Variants in DPF1 observed in about 807,000 individuals in gnomAD.
DPF1 encodes double PHD fingers 1, also known as zinc finger protein neuro-d4.
DPF1 carries 14 observed loss-of-function variants against 58.7 expected under a neutral mutation model. The observed-to-expected ratio is 0.24, with a 90% CI of 0.16 to 0.37. DPF1 has a LOEUF of 0.37. Ranked by LOEUF, DPF1 falls within the 10% of genes least tolerant of loss-of-function variation. DPF1 has a pLI of 1.00. For missense variants in DPF1, 345 were observed against 529.9 expected, an observed-to-expected ratio of 0.65 and a Z score of 3.43; for synonymous variants, 216 against 216.0, an observed-to-expected ratio of 1.00 and a Z score of 0.00.
chr19:38,224,067 G>T lies in DPF1; in HGVS notation c.29+47C>A. On this transcript the variant is annotated intron_variant, in intron 1 of 11. Coordinates refer to ENST00000355526, the MANE Select transcript of DPF1 (RefSeq NM_001135155.3). The surrounding 1 kb of genome is among the most constrained non-coding windows in gnomAD (Gnocchi z 4.5). ...GGTCGCCACACACACACAGGCCCGC[G>T]TAGACCCGCCCGCGCTTCCTCTCCG... The T allele has an allele frequency of 6.7e-7, 1 of 1,488,924 alleles. No individual in the cohort carries two copies. The allele number at this position is 1,488,924 out of a possible 1,614,324, so 92.2% of individuals were successfully genotyped here. A position where few individuals can be genotyped will look rare whatever the true frequency, so the allele number is the denominator to read the frequency against.
intron 4 of DPF1, 25 bp from the exon 5 acceptor site, chr19:38,218,687 G>A: frequency 6.2e-7 from 1 of 1,613,202 alleles, no homozygotes; most frequent in East Asian, 2.2e-5. Context: ...AAGGAGACGG[G>A]TCAAGAAAGT....
chr19:38,218,544 C>G, intron 5 of DPF1, 29 bp downstream of exon 5: 1 of 1,607,064 alleles, frequency 6.2e-7, no homozygotes, highest in Non-Finnish European at 8.5e-7. Flanking sequence ...TTGAGGGGAG[C>G]GGGGAAGAGG....
chr19:38,214,831 C>T (rs967171323), intron 9 of DPF1, among the ~76,000 whole-genome samples: 2 of 89,396 alleles, frequency 2.2e-5, no homozygotes, highest in Admixed American at 2.9e-4. Flanking sequence ...TATGCCCAGC[C>T]TTTTTTTTTT....
At chr19:38,220,390 G>A (rs1189560244) in intron 3 of DPF1, among the ~76,000 whole-genome samples, 1 of 152,088 alleles carries the variant, frequency 6.6e-6, no homozygotes, top group African/African-American at 2.4e-5. Flanking sequence ...GGGAGGCCGA[G>A]GCGGGCAGAT....
At chr19:38,213,507 G>A (rs2146117099) in intron 10 of DPF1, 137 bp downstream of exon 10, 1 of 720,078 alleles carries the variant, frequency 1.4e-6, no homozygotes. Flanking sequence ...TCGATTTATG[G>A]ACACCGGCAT....
rs1429485764 is a variant in DPF1, at chr19:38,215,999, C to T, written c.898+141G>A. 3.3e-5 allele frequency: 46 copies of T among 1,406,634 alleles called. No individual in the cohort carries two copies. In the East Asian group the frequency reaches 5.9e-4, roughly 18 times the overall value. 87.1% of individuals were successfully genotyped at this position (1,406,634 alleles called of 1,614,324 possible). A position where few individuals can be genotyped will look rare whatever the true frequency, so the allele number is the denominator to read the frequency against. On this transcript the variant is annotated intron_variant, in intron 9 of 11. Coordinates refer to ENST00000355526, the MANE Select transcript of DPF1 (RefSeq NM_001135155.3). ...CAATCCTCAGCAGTTGCATCAGCCT[C>T]GCTAGCTCTGGTTATCCACAGTATC... is the stretch of plus-strand genomic sequence containing the variant.
At chr19:38,215,515 AAAAC>A (rs1482784888) in intron 9 of DPF1, among the ~76,000 whole-genome samples, 2 of 151,824 alleles carry the variant, frequency 1.3e-5, no homozygotes, top group East Asian at 2.0e-4. Context: ...AAAACAAAAC[AAAAC>A]AAAAACCTTC....
intron 11 of DPF1, 43 bp downstream of exon 11, chr19:38,212,237 T>TGGGGGGGGGGGCCCCCCCCCCCCCC: frequency 8.0e-7 from 1 of 1,256,814 alleles, no homozygotes; most frequent in Non-Finnish European, 1.1e-6. Flanking sequence ...GGAGATGGCG[T>TGGGGGGGGGGGCCCCCCCCCCCCCC]TCCCACCCAC....
At chr19:38,216,599 T>G in intron 7 of DPF1, 196 bp from the exon 8 acceptor site, 1 of 558,270 alleles carries the variant, frequency 1.8e-6, no homozygotes, top group Non-Finnish European at 2.8e-6. Context: ...AATTTTTTTT[T>G]CAATTAAAAA....
intron 10 of DPF1, among the ~76,000 whole-genome samples, chr19:38,212,576 G>C (rs1230859841): frequency 2.6e-5 from 4 of 151,728 alleles, no homozygotes; most frequent in Admixed American, 6.6e-5. Context: ...TTATAGTGGG[G>C]GTTTTATAAG....
At chr19:38,218,103 G>A (rs1369987679) in intron 5 of DPF1, among the ~76,000 whole-genome samples, 1 of 152,226 alleles carries the variant, frequency 6.6e-6, no homozygotes, top group African/African-American at 2.4e-5. Context: ...TCGGGAGGCT[G>A]AGGCAGGAGA....
chr19:38,213,719 C>A lies in DPF1; in HGVS notation c.936G>T (p.Thr312=), dbSNP rs368150808. The A allele has an allele frequency of 2.5e-6, 4 of 1,613,734 alleles. No homozygotes were observed. Among genetic ancestry groups the A allele is most frequent in the Non-Finnish European group, 3.4e-6 (4 of 1,179,832 alleles). ...PSCLQFTVNM[T]AAVRTYRWQC... is the part of the protein sequence containing the mutation. ...GCCAGCGGTAGGTCCGCACGGCTGC[C>A]GTCATGTTCACCGTGAATTGTAAAC... The change falls in exon 10 of 12, where the codon ACG becomes ACT. Residue 312 remains threonine, a synonymous_variant. Transcript: ENST00000355526.
rs371061615 is a variant in DPF1 at position 38,222,345 on chromosome 19, G to A, written c.298+12C>T. The A allele has an allele frequency of 8.2e-6, 13 of 1,587,732 alleles. No homozygotes were observed. Among genetic ancestry groups the A allele is most frequent in the Middle Eastern group, 1.7e-4 (1 of 5,988 alleles). On this transcript the variant is annotated intron_variant, in intron 3 of 11. Transcript: ENST00000355526. This position sits in a 1 kb window ranked among gnomAD's most constrained non-coding sequence, Gnocchi z 4.9. ...CTGGGACACCGATGGGGGCCCCAGC[G>A]GCTGCACCCACCGATCTTGTACTCG...
Position 38,217,527 on chromosome 19 carries a change from G to A in DPF1, c.660C>T (p.Ala220=), listed in dbSNP as rs1600253305. 5.2e-6 allele frequency: 8 copies of A among 1,551,510 alleles called. No homozygotes were observed. Among genetic ancestry groups the A allele is most frequent in the Admixed American group, 2.0e-5 (1 of 50,988 alleles). ...LSYHYTHTHL[A]EEEGEENAER... ...CGGCGTTCTCCTCCCCCTCCTCCTC[G>A]GCCAGGTGGGTGTGGGTGTAGTGGT... The change falls in exon 7 of 12, where the codon GCC becomes GCT. Residue 220 remains alanine (A), a synonymous_variant. Coordinates refer to ENST00000355526, the MANE Select transcript of DPF1 (RefSeq NM_001135155.3).
At chr19:38,224,318 G>T, upstream of DPF1, 3 of 1,249,288 alleles carry the variant, frequency 2.4e-6, no homozygotes, top group Non-Finnish European at 3.0e-6. The surrounding 1 kb of genome is among the most constrained non-coding windows in gnomAD (Gnocchi z 4.5). Context: ...GTAGTCCCAG[G>T]CCAGGGGGCC....
In DPF1 at chr19:38,222,510, G is replaced by A. The variant is rs1361564124; in HGVS notation, c.190+38C>T. 6.2e-7 allele frequency: 1 copy of A among 1,600,484 alleles called. No individual in the cohort carries two copies. Among genetic ancestry groups the A allele is most frequent in the South Asian group, 1.1e-5 (1 of 89,744 alleles). On this transcript the variant is annotated intron_variant, in intron 2 of 11. Coordinates refer to ENST00000355526, the MANE Select transcript of DPF1 (RefSeq NM_001135155.3). The surrounding 1 kb of genome is among the most constrained non-coding windows in gnomAD (Gnocchi z 4.9). ...GAGGGCGGCGGCGGTGGGGCGGCCTGGCCCCGCCCCGCCCTGCGCCAGCCC... is the reference window on the plus strand; with the variant it reads ...GAGGGCGGCGGCGGTGGGGCGGCCTAGCCCCGCCCCGCCCTGCGCCAGCCC...
intron 3 of DPF1, 52 bp from the exon 4 acceptor site, chr19:38,219,110 TC>T: frequency 6.2e-7 from 1 of 1,604,940 alleles, no homozygotes; most frequent in Non-Finnish European, 8.5e-7. Context: ...CCCGGAGGAC[TC>T]CTCAAACTAT....
upstream of DPF1, among the ~76,000 whole-genome samples, chr19:38,226,531 CACACACACT>C (rs1967830484): frequency 1.3e-5 from 2 of 150,964 alleles, no homozygotes; most frequent in African/African-American, 2.4e-5. Flanking sequence ...CACACACACA[CACACACACT>C]CCTCTAGTCT....
chr19:38,217,395 C>CCCCCGGGGGG, intron 7 of DPF1, 65 bp downstream of exon 7: 1 of 1,150,380 alleles, frequency 8.7e-7, no homozygotes, highest in Non-Finnish European at 1.2e-6. Context: ...ACCCCCACCC[C>CCCCCGGGGGG]CAGCTGGGCT....
Sources: gnomAD v4.1 joint callset for allele counts (sites outside exome capture counted in the v4.1 genomes callset) on GRCh38, gnomAD v4.1.1 for gene constraint, Gnocchi (gnomAD v3.1) non-coding constraint, MANE v1.5 for transcripts, NCBI Gene and HGNC (gene_info 2026-07-23, HGNC 2026-07-21) for gene names.